The following EYA1 variants were observed in gnomAD, a reference collection of about 807,000 sequenced individuals.
EYA1 encodes the protein EYA transcriptional coactivator and phosphatase 1, also known as protein phosphatase EYA1.
Under a neutral mutation model 82.0 loss-of-function variants are expected in EYA1, and 16 were observed. The observed-to-expected ratio is 0.20, with a 90% CI of 0.13 to 0.30. The LOEUF is 0.30. Among genes scored for constraint, EYA1 ranks in the 10% least tolerant of loss-of-function variants. The probability of loss-of-function intolerance (pLI) is 1.00; values close to 1 mark genes in which losing one functional copy is unlikely to be tolerated. For missense variants in EYA1, 633 were observed against 730.7 expected (o/e 0.87, Z 1.54); for synonymous variants, 261 against 264.4 (o/e 0.99, Z 0.12).
chr8:71,469,166 TAA>T lies in EYA1; in HGVS notation c.33+66576_33+66577del, dbSNP rs10719071. Among the ~76,000 whole-genome samples, 1,385 of 150,438 alleles carry T rather than the reference TAA, an allele frequency of 9.2e-3. 25 individuals carry two copies. Among genetic ancestry groups the T allele is most frequent in the African/African-American group, 0.032 (1,317 of 41,230 alleles). ...AGTACATGTTAAATACAGACATAAG[TAA>T]AAAAAAAATCTGTCCTCAAGTTGCT... On this transcript the variant is annotated intron_variant, in intron 2 of 18. Transcript: ENST00000643681.
At chr8:71,336,103 G>C (rs1328550469) in intron 3 of EYA1, among the ~76,000 whole-genome samples, 1 of 152,104 alleles carries the variant, frequency 6.6e-6, no homozygotes, top group Non-Finnish European at 1.5e-5. Context: ...AAAACCAAAG[G>C]GGTTAGGAAG....
intron 3 of EYA1, among the ~76,000 whole-genome samples, chr8:71,346,433 T>TATATATATAG (rs1554561507): frequency 7.8e-6 from 1 of 128,844 alleles, no homozygotes; most frequent in Non-Finnish European, 1.6e-5. Flanking sequence ...CTGCAGTGAA[T>TATATATATAG]ATATATATAT....
rs539167235 is a variant in EYA1 at position 71,345,587 on chromosome 8, G to A, written c.124+9195C>T. ...ATTGTGTTTTTTTTAGTTTAGGTAA[G>A]TCCGACTACAAAACTGCTCTCACAA... On this transcript the variant is annotated intron_variant, in intron 3 of 17. Coordinates refer to ENST00000340726, the MANE Select transcript of EYA1 (RefSeq NM_000503.6). Among the ~76,000 whole-genome samples the A allele has an allele frequency of 1.4e-3, 214 of 152,182 alleles. 3 individuals carry two copies. The South Asian group carries it at 0.041, about 29-fold the overall frequency.
intron 14 of EYA1, among the ~76,000 whole-genome samples, 186 bp from the exon 15 acceptor site, chr8:71,215,914 T>C (rs1809133693): frequency 6.6e-6 from 1 of 152,222 alleles, no homozygotes; most frequent in Non-Finnish European, 1.5e-5. Flanking sequence ...AGTCATCTCT[T>C]TTTAGGGAAC....
chr8:71,323,524 C>A (rs946415535), intron 4 of EYA1, among the ~76,000 whole-genome samples: 11 of 152,290 alleles, frequency 7.2e-5, no homozygotes, highest in African/African-American at 2.4e-4. Context: ...TATGAGTAAT[C>A]TTTTCCTTGT....
intron 2 of EYA1, among the ~76,000 whole-genome samples, chr8:71,463,855 T>G (rs1808591076): frequency 6.6e-6 from 1 of 152,082 alleles, no homozygotes; most frequent in Non-Finnish European, 1.5e-5. Context: ...CCTTTCCTGT[T>G]GTCCTCATCC....
intron 2 of EYA1, among the ~76,000 whole-genome samples, chr8:71,478,743 G>A (rs1413456260): frequency 6.6e-6 from 1 of 152,100 alleles, no homozygotes. Flanking sequence ...GGAGGCATGG[G>A]AGGCCTTCCA....
intron 12 of EYA1, among the ~76,000 whole-genome samples, chr8:71,222,392 T>A (rs1810034682): frequency 6.6e-6 from 1 of 152,202 alleles, no homozygotes; most frequent in Non-Finnish European, 1.5e-5. Context: ...ATTACCAAAC[T>A]TGGGTATTGC....
intron 3 of EYA1, among the ~76,000 whole-genome samples, chr8:71,352,307 T>C (rs185607846): frequency 1.3e-5 from 2 of 152,298 alleles, no homozygotes; most frequent in East Asian, 3.9e-4. Flanking sequence ...GACATATAAG[T>C]AGCATGATAA....
chr8:71,416,055 G>A (rs1021050872), intron 2 of EYA1, among the ~76,000 whole-genome samples: 1 of 152,162 alleles, frequency 6.6e-6, no homozygotes, highest in Non-Finnish European at 1.5e-5. Flanking sequence ...GCCGCAGGAG[G>A]CTGATCTCTA....
At chr8:71,369,245 A>G (rs1827953031) in intron 2 of EYA1, among the ~76,000 whole-genome samples, 1 of 151,694 alleles carries the variant, frequency 6.6e-6, no homozygotes, top group African/African-American at 2.4e-5. Context: ...AGTATATGGC[A>G]ACACTGATTT....
intron 10 of EYA1, 22 bp from the exon 11 acceptor site, chr8:71,269,845 A>G: frequency 6.3e-7 from 1 of 1,592,908 alleles, no homozygotes; most frequent in Non-Finnish European, 8.6e-7. Flanking sequence ...GAACCAAATC[A>G]ATGTGTCTTT....
intron 12 of EYA1, among the ~76,000 whole-genome samples, chr8:71,226,557 A>G (rs1203206978): frequency 6.6e-6 from 1 of 151,182 alleles, no homozygotes; most frequent in Non-Finnish European, 1.5e-5. Context: ...GAAAGCCAGA[A>G]AGAATTGAAA....
At chr8:71,275,097 A>G (rs4738122) in intron 9 of EYA1, among the ~76,000 whole-genome samples, 59,301 of 151,982 alleles carry the variant, frequency 0.39, 12,104 homozygotes, top group East Asian at 0.71. Context: ...GTGGGGGCTC[A>G]CACTCCACGT....
intron 2 of EYA1, among the ~76,000 whole-genome samples, chr8:71,472,135 T>C (rs1258187683): frequency 2.6e-5 from 4 of 152,182 alleles, no homozygotes; most frequent in Non-Finnish European, 5.9e-5. Context: ...CGTTTCTCTC[T>C]TTTGTGAAAC....
chr8:71,269,204 T>C (rs1816224130), intron 11 of EYA1, among the ~76,000 whole-genome samples: 1 of 152,214 alleles, frequency 6.6e-6, no homozygotes, highest in South Asian at 2.1e-4. Context: ...ATATAAGTAC[T>C]GTACAACTCT....
At chr8:71,344,558 G>A (rs1825504467) in intron 3 of EYA1, among the ~76,000 whole-genome samples, 1 of 152,176 alleles carries the variant, frequency 6.6e-6, no homozygotes, top group African/African-American at 2.4e-5. Context: ...CATAGTCCAT[G>A]ATCACACAGT....
intron 11 of EYA1, among the ~76,000 whole-genome samples, chr8:71,258,717 G>T (rs987726776): frequency 1.3e-5 from 2 of 152,220 alleles, no homozygotes; most frequent in African/African-American, 4.8e-5. Flanking sequence ...TTTATGTGGA[G>T]AACTATTATA....
chr8:71,490,351 AGT>A (rs1810900602), intron 2 of EYA1, among the ~76,000 whole-genome samples: 1 of 152,212 alleles, frequency 6.6e-6, no homozygotes, highest in Non-Finnish European at 1.5e-5. Flanking sequence ...TGCTTAATTA[AGT>A]AACCATGGGG....
Sources: allele counts gnomAD v4.1 joint callset (sites outside exome capture counted in the v4.1 genomes callset), GRCh38; gene constraint gnomAD v4.1.1; transcripts MANE v1.5; gene names NCBI Gene and HGNC (gene_info 2026-07-23, HGNC 2026-07-21).